The following SYNPR variants were observed in gnomAD, a reference collection of about 807,000 sequenced individuals.
The protein encoded by SYNPR is synaptoporin.
Under a neutral mutation model 32.9 loss-of-function variants are expected in SYNPR, and 23 were observed. The ratio of observed to expected loss-of-function variants is 0.70; its 90% CI spans 0.50 to 0.99. The LOEUF (loss-of-function observed/expected upper bound fraction) is 0.99. Ranked by LOEUF, SYNPR falls within the 50% of genes least tolerant of loss-of-function variation. The pLI is 0.00. For missense variants in SYNPR, 318 were observed against 349.3 expected, an observed-to-expected ratio of 0.91 and a Z score of 0.71; for synonymous variants, 146 against 135.9, an observed-to-expected ratio of 1.07 and a Z score of -0.52.
chr3:63,595,768 T>TATAA (rs1699936252), intron 4 of SYNPR, among the ~76,000 whole-genome samples: 5 of 37,434 alleles, frequency 1.3e-4, no homozygotes, highest in Non-Finnish European at 1.4e-4. Flanking sequence ...TATATATATA[T>TATAA]AATTTTATAT....
At chr3:63,425,602 A>G (rs1399656130) in intron 2 of SYNPR, among the ~76,000 whole-genome samples, 1 of 152,080 alleles carries the variant, frequency 6.6e-6, no homozygotes. Flanking sequence ...TTGAATTCTT[A>G]GGCTCTGGGA....
intron 4 of SYNPR, among the ~76,000 whole-genome samples, chr3:63,572,334 G>C (rs1702901456): frequency 6.6e-6 from 1 of 151,226 alleles, no homozygotes; most frequent in African/African-American, 2.4e-5. Flanking sequence ...CTTTTTGTAT[G>C]CTCTCTGAAC....
At chr3:63,549,365 T>C (rs1158603527) in intron 3 of SYNPR, among the ~76,000 whole-genome samples, 2 of 152,176 alleles carry the variant, frequency 1.3e-5, no homozygotes, top group African/African-American at 4.8e-5. Flanking sequence ...AATCTAAGGA[T>C]GCTGTAATTT....
chr3:63,441,275 T>A (rs912418394), intron 2 of SYNPR, among the ~76,000 whole-genome samples: 3 of 152,188 alleles, frequency 2.0e-5, no homozygotes, highest in Admixed American at 1.3e-4. Context: ...ATTCAAGAAA[T>A]CTTCACTATT....
intron 2 of SYNPR, among the ~76,000 whole-genome samples, chr3:63,339,471 G>C (rs2087335966): frequency 6.6e-6 from 1 of 152,142 alleles, no homozygotes; most frequent in Non-Finnish European, 1.5e-5. Context: ...GGAAATTATA[G>C]TATAACATTA....
Position 63,250,879 on chromosome 3 carries a change from A to G in SYNPR, n.67-1620A>G, listed in dbSNP as rs187793990. On this transcript the variant is annotated intron_variant and non_coding_transcript_variant, in intron 1 of 4. Transcript: ENST00000478456. ...TCCATCCTATGGACCCATTAAATTA[A>G]TGTTACTCATTATAAGTATTTTTTT... 5.1e-4 allele frequency among the ~76,000 whole-genome samples: 77 copies of G among 152,260 alleles called. No individual in the cohort carries two copies. In the East Asian group the frequency reaches 0.014, roughly 28 times the overall value.
At chr3:63,377,494 T>C (rs1337096275) in intron 2 of SYNPR, among the ~76,000 whole-genome samples, 1 of 152,112 alleles carries the variant, frequency 6.6e-6, no homozygotes, top group Non-Finnish European at 1.5e-5. Flanking sequence ...CAGTACGTCA[T>C]GCCAACCTAT....
At chr3:63,476,197 C>A (rs9813602) in intron 2 of SYNPR, among the ~76,000 whole-genome samples, 1 of 22,446 alleles carries the variant, frequency 4.5e-5, no homozygotes. Context: ...GGGAGGGAAG[C>A]AAGGGAAGGA....
chr3:63,451,852 T>G (rs915637261), intron 2 of SYNPR, among the ~76,000 whole-genome samples: 59 of 152,136 alleles, frequency 3.9e-4, no homozygotes, highest in African/African-American at 1.4e-3. Flanking sequence ...CCTAATACAT[T>G]TGATCAGAAA....
intron 4 of SYNPR, among the ~76,000 whole-genome samples, chr3:63,586,415 A>G (rs17069107): frequency 0.27 from 40,787 of 151,880 alleles, 5,857 homozygotes; most frequent in South Asian, 0.44. Context: ...AGAATTTTCA[A>G]ATTTAGTCAC....
chr3:63,476,111 GAGGAAGGAAGGAAGGAAGGA>G (rs765639648), intron 2 of SYNPR, among the ~76,000 whole-genome samples: 2 of 67,776 alleles, frequency 3.0e-5, no homozygotes, highest in South Asian at 5.9e-4. Context: ...AGGGAGGGGG[GAGGAAGGAAGGAAGGAAGGA>G]AGGAAGGAAG....
chr3:63,504,388 T>C (rs903468690), intron 3 of SYNPR, among the ~76,000 whole-genome samples: 1 of 152,168 alleles, frequency 6.6e-6, no homozygotes, highest in African/African-American at 2.4e-5. Flanking sequence ...ATTCACAGAA[T>C]AGAAGAAATA....
rs368842894 is a variant in SYNPR at position 63,445,872 on chromosome 3, C to T, written c.85-34960C>T. Among the ~76,000 whole-genome samples the T allele has an allele frequency of 2.6e-5, 4 of 152,172 alleles. No homozygotes were observed. In the East Asian group the frequency reaches 5.8e-4, roughly 22 times the overall value. ...TTTCCAGGGACCTATAGTTAAACAT[C>T]CTATTTTTCCCCATTCTGATACAAG... On this transcript the variant is annotated intron_variant, in intron 2 of 5. Transcript: ENST00000478300.
chr3:63,226,245 G>T (rs1173117442), upstream of SYNPR, among the ~76,000 whole-genome samples: 7 of 152,140 alleles, frequency 4.6e-5, no homozygotes, highest in Admixed American at 4.6e-4. Context: ...CTTATACATT[G>T]TTAGTGGGAA....
intron 2 of SYNPR, among the ~76,000 whole-genome samples, chr3:63,308,587 G>C (rs1474779382): frequency 1.3e-5 from 2 of 151,874 alleles, no homozygotes; most frequent in Non-Finnish European, 2.9e-5. Flanking sequence ...TGGGTATCAA[G>C]TTCTAGATTG....
Position 63,615,847 on chromosome 3 carries a change from G to T in SYNPR, c.*366G>T, listed in dbSNP as rs35949509. 46,174 of 163,432 alleles carry T rather than the reference G, an allele frequency of 0.28. 6,636 individuals carry two copies. Among genetic ancestry groups the T allele is most frequent in the Middle Eastern group, 0.42 (145 of 346 alleles). 10.1% of individuals were successfully genotyped at this position (163,432 alleles called of 1,614,324 possible). ...AGCGTTGAGTTTTCTTATGCATTTTGATGTGAAAGATGTTATAATAATTTC... is the reference window on the plus strand; with the variant it reads ...AGCGTTGAGTTTTCTTATGCATTTTTATGTGAAAGATGTTATAATAATTTC... On this transcript the variant is annotated 3_prime_UTR_variant, in exon 6 of 6. Transcript: ENST00000478300.
chr3:63,257,845 A>G (rs1453047853), intron 2 of SYNPR, among the ~76,000 whole-genome samples: 1 of 152,204 alleles, frequency 6.6e-6, no homozygotes, highest in Non-Finnish European at 1.5e-5. Flanking sequence ...AGAGACACAC[A>G]TAGGCTTAAA....
intron 2 of SYNPR, among the ~76,000 whole-genome samples, chr3:63,350,294 C>A (rs1412729697): frequency 6.6e-6 from 1 of 151,862 alleles, no homozygotes; most frequent in Non-Finnish European, 1.5e-5. Flanking sequence ...ATATATACAG[C>A]CTTTATAGAA....
chr3:63,304,972 G>A (rs941569974), intron 2 of SYNPR, among the ~76,000 whole-genome samples: 11 of 151,812 alleles, frequency 7.2e-5, no homozygotes, highest in East Asian at 1.9e-4. Context: ...ATATTCTGTC[G>A]GAGCCTCAGT....
Sources: gnomAD v4.1 joint callset for allele counts (sites outside exome capture counted in the v4.1 genomes callset) on GRCh38, gnomAD v4.1.1 for gene constraint, MANE v1.5 for transcripts, NCBI Gene and HGNC (gene_info 2026-07-23, HGNC 2026-07-21) for gene names.